Variants in CHD8 observed in about 807,000 individuals in gnomAD.
The protein encoded by CHD8 is ATP-dependent chromatin remodeler CHD8.
In CHD8, 31 loss-of-function variants were observed where a neutral mutation model predicts 279.2. The observed-to-expected ratio is 0.11, with a 90% CI of 0.08 to 0.15. The LOEUF is 0.15. Ranked by LOEUF, CHD8 falls within the 10% of genes least tolerant of loss-of-function variation. The pLI, the probability that CHD8 is intolerant of heterozygous loss-of-function variation, is 1.00. For missense variants in CHD8, 2,146 were observed against 3,230.5 expected (o/e 0.66, Z 8.14); for synonymous variants, 1,081 against 1,139.6 (o/e 0.95, Z 1.04).
At position 21,428,975 on chromosome 14, in the gene CHD8, G is replaced by A; in HGVS notation, c.1204C>T (p.Leu402=). The part of the protein sequence containing the change: ...QRLSVPVKVV[L]QPQAGSSQGA... ...TGTAAGTCTCTCACCTGTGGCTGCA[G>A]TACCACCTTGACTGGTACTGAAAGT... Residue 402 remains leucine (L), a synonymous_variant, in exon 3 of 38, where the codon CTG becomes TTG. Transcript: ENST00000646647. 6.2e-7 allele frequency: 1 copy of A among 1,613,980 alleles called. No individual in the cohort carries two copies. The highest frequency in any genetic ancestry group is 8.5e-7 in the Non-Finnish European group (1 of 1,179,880).
intron 37 of CHD8, among the ~76,000 whole-genome samples, chr14:21,389,705 G>GA (rs1887441497): frequency 6.6e-6 from 1 of 152,186 alleles, no homozygotes; most frequent in Non-Finnish European, 1.5e-5. Flanking sequence ...TTGGTGGAAA[G>GA]AATAAACTGT....
chr14:21,437,287 C>T, intron 1 of CHD8: 1 of 1,137,200 alleles, frequency 8.8e-7, no homozygotes, highest in East Asian at 7.0e-5. Context: ...ATGCTCCTGC[C>T]CGCCCCGCGC....
intron 2 of CHD8, chr14:21,430,040 A>G (rs1406867744): frequency 6.5e-6 from 1 of 153,550 alleles, no homozygotes; most frequent in Non-Finnish European, 1.4e-5. Flanking sequence ...AAACCTAATA[A>G]TACAAAATTC....
At chr14:21,453,067 G>C (rs546144622) in intron 1 of CHD8, among the ~76,000 whole-genome samples, 1 of 151,668 alleles carries the variant, frequency 6.6e-6, no homozygotes, top group East Asian at 1.9e-4. Flanking sequence ...CCAGCACTTC[G>C]GGAGGCCAAG....
intron 37 of CHD8, among the ~76,000 whole-genome samples, chr14:21,390,438 T>C (rs1308860805): frequency 2.0e-5 from 3 of 152,220 alleles, no homozygotes; most frequent in African/African-American, 7.2e-5. Flanking sequence ...TAGAATGTTA[T>C]GCTCTCCTAG....
intron 33 of CHD8, 112 bp downstream of exon 33, chr14:21,392,994 C>G: frequency 7.8e-7 from 1 of 1,280,994 alleles, no homozygotes; most frequent in Admixed American, 2.8e-5. Flanking sequence ...AAAAAACTTG[C>G]AGCAATAAAC....
At chr14:21,439,466 G>A (rs1374368854) in intron 1 of CHD8, among the ~76,000 whole-genome samples, 1 of 152,170 alleles carries the variant, frequency 6.6e-6, no homozygotes, top group Non-Finnish European at 1.5e-5. Context: ...CAAAGACTCT[G>A]TCAACCTTCT....
At position 21,431,543 on chromosome 14, in the gene CHD8, T is replaced by C; in HGVS notation, c.101A>G (p.Glu34Gly). Residue 34 changes from glutamate to glycine, a missense_variant, in exon 2 of 38, where the codon GAG (glutamate) becomes GGG (glycine). Around this residue, in one of 26 missense-constraint regions of CHD8, gnomAD observed 302 missense variants for 325.5 expected, o/e 0.93. Transcript: ENST00000646647. ...SFNQVTQDPI[E>G]EALGLPSSLD... ...AGAGCTTGGCAGTCCAAGGGCTTCC[T>C]CAATGGGGTCTTGTGTGACCTGGTT... The C allele has an allele frequency of 6.5e-7, 1 of 1,537,202 alleles. No homozygotes were observed. Among genetic ancestry groups the C allele is most frequent in the Non-Finnish European group, 8.7e-7 (1 of 1,146,880 alleles).
intron 9 of CHD8, 98 bp from the exon 10 acceptor site, chr14:21,413,094 T>A (rs566231428): frequency 4.4e-5 from 33 of 744,948 alleles, no homozygotes; most frequent in Admixed American, 6.7e-5. Flanking sequence ...TACTTCAAAA[T>A]TTTTAAAGAA....
At chr14:21,401,339 T>C in intron 21 of CHD8, 64 bp downstream of exon 21, 1 of 953,284 alleles carries the variant, frequency 1.0e-6, no homozygotes, top group East Asian at 2.6e-5. Flanking sequence ...TCAGAGTAGC[T>C]GTAAAGACTC....
intron 1 of CHD8, among the ~76,000 whole-genome samples, chr14:21,454,711 C>T (rs768108914): frequency 6.6e-5 from 10 of 152,296 alleles, no homozygotes; most frequent in Non-Finnish European, 1.2e-4. Context: ...GATCCACTGA[C>T]ACGCCTCTCT....
Position 21,391,053 on chromosome 14 carries a change from T to A in CHD8, c.7076A>T (p.Asp2359Val), listed in dbSNP as rs1887513751. ...VDPRFLAYME[D>V]RRKQKWQRCK... Reference sequence around the variant, plus strand: ...TCTTTGCCACTTCTGTTTTCTGCGATCCTCCATATACTGCAATAGAAAAAA... The same window carrying A: ...TCTTTGCCACTTCTGTTTTCTGCGAACCTCCATATACTGCAATAGAAAAAA... Residue 2359 changes from aspartate to valine, a missense_variant, in exon 37 of 38, where the codon GAT becomes GTT. By Grantham distance (152) the Asp-to-Val change is radical (BLOSUM62 -3). Around this residue, in one of 26 missense-constraint regions of CHD8, gnomAD observed 336 missense variants for 392.9 expected, o/e 0.86. Transcript: ENST00000646647. 1 of 1,573,664 alleles carries A rather than the reference T, an allele frequency of 6.4e-7. No individual in the cohort carries two copies. Among genetic ancestry groups the A allele is most frequent in the African/African-American group, 1.3e-5 (1 of 74,332 alleles).
Position 21,385,491 on chromosome 14 carries a change from TCACCTCCTGG to T in CHD8, c.*112_*121del. On this transcript the variant is annotated 3_prime_UTR_variant, in exon 38 of 38. Transcript: ENST00000646647. ...GTACATTTTTTTTTTTTTTTCCTTT[TCACCTCCTGG>T]AGTCCTGGACTTCCCCACATCTCCC... 1 of 1,389,320 alleles carries T rather than the reference TCACCTCCTGG, an allele frequency of 7.2e-7. No individual in the cohort carries two copies. The highest frequency in any genetic ancestry group is 9.4e-7 in the Non-Finnish European group (1 of 1,066,870). The allele number at this position is 1,389,320 out of a possible 1,614,324, so 86.1% of individuals were successfully genotyped here.
intron 21 of CHD8, 136 bp downstream of exon 21, chr14:21,401,267 A>C: frequency 1.3e-6 from 1 of 744,282 alleles, no homozygotes; most frequent in Non-Finnish European, 2.1e-6. Context: ...CCTAGGTAGA[A>C]AGTATCCACA....
intron 1 of CHD8, among the ~76,000 whole-genome samples, chr14:21,445,716 A>T (rs1890098847): frequency 7.0e-6 from 1 of 142,692 alleles, no homozygotes; most frequent in Non-Finnish European, 1.5e-5. Flanking sequence ...AAAAAAAAAA[A>T]GTCAGCTGGG....
chr14:21,426,104 T>G, intron 5 of CHD8, 24 bp downstream of exon 5: 2 of 1,390,346 alleles, frequency 1.4e-6, no homozygotes, highest in Non-Finnish European at 2.0e-6. Context: ...TTTTTTCTAC[T>G]AAATTCTTTT....
chr14:21,441,998 T>C (rs1889987862), intron 1 of CHD8, among the ~76,000 whole-genome samples: 1 of 152,220 alleles, frequency 6.6e-6, no homozygotes, highest in Non-Finnish European at 1.5e-5. Flanking sequence ...AAAGTCTGGC[T>C]TGGAGATAGA....
Position 21,399,615 on chromosome 14 carries a change from T to A in CHD8, c.4908A>T (p.Gly1636=), listed in dbSNP as rs765970891. 1 of 1,612,526 alleles carries A rather than the reference T, an allele frequency of 6.2e-7. No individual in the cohort carries two copies. The highest frequency in any genetic ancestry group is 8.5e-7 in the Non-Finnish European group (1 of 1,178,564). Residue 1636 remains glycine (G), a synonymous_variant, in exon 26 of 38, where the codon GGA becomes GGT. Transcript: ENST00000646647. The part of the protein sequence containing the change: ...DSEADKSLLI[G]VFKHGYEKYN... Reference sequence around the variant, plus strand: ...GAAGATACGTACCATGTTTAAAGACTCCAATGAGCAGCGACTTGTCAGCCT... The same window carrying A: ...GAAGATACGTACCATGTTTAAAGACACCAATGAGCAGCGACTTGTCAGCCT...
At position 21,399,585 on chromosome 14, in the gene CHD8, T is replaced by C. The variant is rs748110470; in HGVS notation, c.4921+17A>G. On this transcript the variant is annotated intron_variant, in intron 26 of 37. Transcript: ENST00000646647. ...AATCTTCAGTCGGAAAGGAGTAGAA[T>C]AGGAGAAGATACGTACCATGTTTAA... The C allele has an allele frequency of 4.5e-6, 7 of 1,552,602 alleles. No homozygotes were observed. The highest frequency in any genetic ancestry group is 1.7e-5 in the Admixed American group (1 of 59,950).
Sources: gnomAD v4.1 joint callset for allele counts (sites outside exome capture counted in the v4.1 genomes callset) on GRCh38, gnomAD v4.1.1 for gene constraint, gnomAD v4.1.1 regional missense constraint, MANE v1.5 for transcripts, NCBI Gene and HGNC (gene_info 2026-07-23, HGNC 2026-07-21) for gene names.